Variants in ALPK2 observed in about 807,000 individuals in gnomAD.
ALPK2 encodes alpha-protein kinase 2.
A neutral mutation model predicts 163.1 loss-of-function variants in ALPK2; 127 were observed. The observed-to-expected ratio is 0.78, with a 90% CI of 0.67 to 0.90. The LOEUF is 0.90. Among genes scored for constraint, ALPK2 ranks in the 40% least tolerant of loss-of-function variants. The pLI, the probability that ALPK2 is intolerant of heterozygous loss-of-function variation, is 0.00. For missense variants in ALPK2, 2,360 were observed against 2,589.6 expected (o/e 0.91, Z 1.92); for synonymous variants, 953 against 959.1 (o/e 0.99, Z 0.12).
At chr18:58,514,951 A>T (rs750718430) in intron 10 of ALPK2, 42 bp downstream of exon 10, 3 of 1,510,646 alleles carry the variant, frequency 2.0e-6, no homozygotes, top group Non-Finnish European at 2.7e-6. Flanking sequence ...CTAGTCCCCA[A>T]CGAGTCAGGA....
At chr18:58,566,501 A>G (rs1426253429) in intron 4 of ALPK2, 2 of 152,196 alleles carry the variant, frequency 1.3e-5, no homozygotes, top group Non-Finnish European at 2.9e-5. Context: ...AAGAAGACCA[A>G]CAAAGACCAA....
At chr18:58,518,203 T>C (rs2051532330) in intron 8 of ALPK2, among the ~76,000 whole-genome samples, 2 of 151,948 alleles carry the variant, frequency 1.3e-5, no homozygotes, top group South Asian at 4.1e-4. Flanking sequence ...CATTTCTATA[T>C]ACATGCTTCA....
rs146214915 is a variant in ALPK2 at position 58,537,544 on chromosome 18, G to A, written c.2643C>T (p.Asp881=). 3.5e-4 allele frequency: 572 copies of A among 1,613,972 alleles called. No individual in the cohort carries two copies. The highest frequency in any genetic ancestry group is 3.9e-4 in the Non-Finnish European group (466 of 1,179,864). Reference sequence around the variant, plus strand: ...AAAGAGGGGACATGACTGAGTTGCCGTCCTTGCTGCTTTTGCACGTAGACA... The same window carrying A: ...AAAGAGGGGACATGACTGAGTTGCCATCCTTGCTGCTTTTGCACGTAGACA... The part of the protein sequence containing the change: ...TSVSTCKSSK[D]GNSVMSPLFT... The change falls in exon 5 of 13, where the codon GAC becomes GAT. Residue 881 remains aspartate (D), a synonymous_variant. Transcript: ENST00000361673.
At chr18:58,621,306 G>A (rs1261882212) in intron 1 of ALPK2, among the ~76,000 whole-genome samples, 12 of 149,154 alleles carry the variant, frequency 8.0e-5, no homozygotes, top group African/African-American at 2.2e-4. Flanking sequence ...GCGGAGTCTC[G>A]CTCTGTCACC....
At chr18:58,575,495 C>T (rs2051915698) in intron 4 of ALPK2, among the ~76,000 whole-genome samples, 1 of 152,210 alleles carries the variant, frequency 6.6e-6, no homozygotes. Flanking sequence ...TGACCCCATA[C>T]AGAAATGCAA....
chr18:58,590,091 C>T (rs916155198), intron 3 of ALPK2, among the ~76,000 whole-genome samples: 24 of 152,038 alleles, frequency 1.6e-4, no homozygotes, highest in Admixed American at 1.4e-3. Flanking sequence ...TGTGGTGGCA[C>T]GTGCCTGTAA....
intron 3 of ALPK2, among the ~76,000 whole-genome samples, chr18:58,588,364 G>A (rs1472384638): frequency 6.6e-6 from 1 of 152,114 alleles, no homozygotes; most frequent in Non-Finnish European, 1.5e-5. Flanking sequence ...TTTTTATCAT[G>A]AGTGTACACG....
intron 1 of ALPK2, among the ~76,000 whole-genome samples, chr18:58,614,980 G>A (rs1044878864): frequency 2.1e-5 from 3 of 142,444 alleles, no homozygotes; most frequent in Non-Finnish European, 4.7e-5. Flanking sequence ...GTCTATTATG[G>A]ATTTTTTTTT....
chr18:58,523,996 A>T lies in ALPK2; in HGVS notation c.5568T>A (p.Tyr1856Ter). Residue 1856 changes from tyrosine (Y) to a stop codon, truncating the protein, a stop_gained, in exon 7 of 13, where the codon TAT (tyrosine) becomes TAA (stop). Transcript: ENST00000361673. LOFTEE classifies it high-confidence loss of function. The stretch of plus-strand genomic sequence containing the variant: ...CGTAGCTGTTCTTGATGCAGCAGTA[A>T]TAGAGTCCCTGGTCCTTCGGACTGG... ...VQASPKDQGL[Y>*]YCCIKNSYGK... The T allele has an allele frequency of 6.2e-7, 1 of 1,614,176 alleles. No homozygotes were observed. The highest frequency in any genetic ancestry group is 1.1e-5 in the South Asian group (1 of 91,090).
At chr18:58,595,808 G>A (rs573650534) in intron 3 of ALPK2, among the ~76,000 whole-genome samples, 1 of 152,288 alleles carries the variant, frequency 6.6e-6, no homozygotes, top group Non-Finnish European at 1.5e-5. Flanking sequence ...CACTTGGGAT[G>A]TCATTAAAAT....
At chr18:58,507,670 C>G (rs1243899242) in intron 10 of ALPK2, among the ~76,000 whole-genome samples, 1 of 152,186 alleles carries the variant, frequency 6.6e-6, no homozygotes, top group African/African-American at 2.4e-5. Flanking sequence ...CTCAGGAAAC[C>G]ACCTTTGCAA....
intron 3 of ALPK2, among the ~76,000 whole-genome samples, chr18:58,589,674 A>G (rs549266772): frequency 6.6e-6 from 1 of 152,344 alleles, no homozygotes; most frequent in South Asian, 2.1e-4. Context: ...TCCTACCCTA[A>G]GGGTCACATG....
At chr18:58,560,044 G>T (rs1014400350) in intron 4 of ALPK2, among the ~76,000 whole-genome samples, 8 of 152,196 alleles carry the variant, frequency 5.3e-5, no homozygotes, top group Admixed American at 5.2e-4. Flanking sequence ...AGGCTACAGA[G>T]GAGTGACGTG....
chr18:58,511,096 G>C (rs1358582476), intron 10 of ALPK2, among the ~76,000 whole-genome samples: 1 of 152,152 alleles, frequency 6.6e-6, no homozygotes, highest in South Asian at 2.1e-4. Context: ...TTAGCATGAA[G>C]TGTTGTTGAA....
At chr18:58,489,455 G>T (rs894879437) in intron 12 of ALPK2, among the ~76,000 whole-genome samples, 3 of 151,980 alleles carry the variant, frequency 2.0e-5, no homozygotes, top group Non-Finnish European at 2.9e-5. Flanking sequence ...AGAGTCCAGG[G>T]TGAGAGGACT....
At chr18:58,563,965 G>C (rs770299964) in intron 4 of ALPK2, among the ~76,000 whole-genome samples, 13 of 152,020 alleles carry the variant, frequency 8.6e-5, no homozygotes, top group Non-Finnish European at 1.8e-4. Flanking sequence ...CAGTGTAAGA[G>C]AAAAATCTGT....
chr18:58,599,416 C>T (rs967446311), intron 3 of ALPK2, among the ~76,000 whole-genome samples: 4 of 152,180 alleles, frequency 2.6e-5, no homozygotes, highest in African/African-American at 9.6e-5. Flanking sequence ...TTCCAGGTGT[C>T]GGAAAGTTCT....
chr18:58,555,058 T>C (rs953448746), intron 4 of ALPK2, among the ~76,000 whole-genome samples: 1 of 152,308 alleles, frequency 6.6e-6, no homozygotes, highest in African/African-American at 2.4e-5. Flanking sequence ...TTAAACCCAG[T>C]CTCGGGTATC....
Position 58,579,044 on chromosome 18 carries a change from T to G in ALPK2, c.1732A>C (p.Ser578Arg), listed in dbSNP as rs750633796. 1.9e-6 allele frequency: 3 copies of G among 1,614,220 alleles called. No homozygotes were observed. Among genetic ancestry groups the G allele is most frequent in the Admixed American group, 3.3e-5 (2 of 60,024 alleles). Residue 578 changes from serine (S) to arginine (R), a missense_variant, in exon 4 of 13, where the codon AGT becomes CGT. Physicochemically the swap from Ser to Arg is moderately radical, Grantham distance 110. Coordinates refer to ENST00000361673, the MANE Select transcript of ALPK2 (RefSeq NM_052947.4). Reference sequence around the variant, plus strand: ...GTGTGAGAAGTCTCTCTTTTATCACTCTGGGTTAGTGGGGGCTCAGCAGAT... The same window carrying G: ...GTGTGAGAAGTCTCTCTTTTATCACGCTGGGTTAGTGGGGGCTCAGCAGAT... ...KESAEPPLTQ[S>R]DKRETSHTTA...
Sources: gnomAD v4.1 joint callset for allele counts (sites outside exome capture counted in the v4.1 genomes callset) on GRCh38, gnomAD v4.1.1 for gene constraint, MANE v1.5 for transcripts, NCBI Gene and HGNC (gene_info 2026-07-23, HGNC 2026-07-21) for gene names.